GPATCH1: variants seen among roughly 807,000 people sequenced by gnomAD.
The protein encoded by GPATCH1 is G-patch domain containing 1, also known as G patch domain-containing protein 1.
In GPATCH1, 73 loss-of-function variants were observed where a neutral mutation model predicts 114.9. The ratio of observed to expected loss-of-function variants is 0.64; its 90% confidence interval spans 0.53 to 0.77. The LOEUF (loss-of-function observed/expected upper bound fraction) is 0.77, where lower values mean the gene tolerates loss of function less well. GPATCH1 is among the 30% of genes least tolerant of loss of function. GPATCH1 has a pLI of 0.00. For missense variants in GPATCH1, 1,058 were observed against 1,144.3 expected (o/e 0.92, Z 1.09); for synonymous variants, 391 against 428.4 (o/e 0.91, Z 1.08).
intron 17 of GPATCH1, among the ~76,000 whole-genome samples, chr19:33,123,753 A>G (rs1451001956): frequency 1.3e-5 from 2 of 152,080 alleles, no homozygotes; most frequent in Non-Finnish European, 2.9e-5. Context: ...AAAAAAAAAA[A>G]TAAATAAAGA....
intron 10 of GPATCH1, among the ~76,000 whole-genome samples, chr19:33,107,265 A>T (rs1972795525): frequency 6.6e-6 from 1 of 152,030 alleles, no homozygotes; most frequent in Non-Finnish European, 1.5e-5. Flanking sequence ...TTTTAAATAG[A>T]GATGAGGGTC....
intron 5 of GPATCH1, among the ~76,000 whole-genome samples, chr19:33,095,101 A>C (rs769645742): frequency 1.3e-5 from 2 of 152,050 alleles, no homozygotes; most frequent in African/African-American, 2.4e-5. Flanking sequence ...CAGAAGGTTG[A>C]GGCTACAGTG....
intron 19 of GPATCH1, among the ~76,000 whole-genome samples, chr19:33,129,798 G>T (rs554092676): frequency 6.6e-6 from 1 of 152,282 alleles, no homozygotes; most frequent in South Asian, 2.1e-4. Flanking sequence ...ACAAAAATTA[G>T]CTGGGTATGG....
rs368112974 is a variant in GPATCH1, at chr19:33,118,980, G to A, written c.2414-30G>A. The A allele has an allele frequency of 5.2e-5, 70 of 1,351,578 alleles. No homozygotes were observed. The African/African-American group carries it at 9.5e-4, about 18-fold the overall frequency. 83.7% of individuals were successfully genotyped at this position (1,351,578 alleles called of 1,614,324 possible). ...TCAGAGACATTAACATGGGGCAGAC[G>A]AATGACATGAACACCCCGCTGTTTT... is the stretch of plus-strand genomic sequence containing the variant. On this transcript the variant is annotated intron_variant, in intron 16 of 19. Coordinates refer to ENST00000170564, the MANE Select transcript of GPATCH1 (RefSeq NM_018025.3).
intron 1 of GPATCH1, 22 bp from the exon 2 acceptor site, chr19:33,088,112 C>CTTT (rs35343047): frequency 1.8e-4 from 202 of 1,103,992 alleles, no homozygotes; most frequent in South Asian, 5.9e-4. Flanking sequence ...ATTTAAAAAA[C>CTTT]TTTTTTTTTT....
In GPATCH1 at chr19:33,115,740, C is replaced by T. The variant is rs144626753; in HGVS notation, c.2196+1321C>T. 7.6e-3 allele frequency among the ~76,000 whole-genome samples: 1,158 copies of T among 151,806 alleles called. 7 individuals are homozygous for T. The highest frequency in any genetic ancestry group is 0.012 in the Non-Finnish European group (816 of 67,916). ...AACTCTTGACCTTAGGTGATCTGCC[C>T]GCCTCAGCCTCCCCAAAGTGCTGGG... is the stretch of plus-strand genomic sequence containing the variant. On this transcript the variant is annotated intron_variant, in intron 15 of 19. Coordinates refer to ENST00000170564, the MANE Select transcript of GPATCH1 (RefSeq NM_018025.3).
Position 33,123,400 on chromosome 19 carries a change from CA to C in GPATCH1, c.2522-1693del, listed in dbSNP as rs879665171. ...GGGCAACAAGAGTGAAACTCTGTCT[CA>C]AAAAAAAAAAATTAAAAGAATTTTG... On this transcript the variant is annotated intron_variant, in intron 17 of 19. Transcript: ENST00000170564. 4.1e-3 allele frequency among the ~76,000 whole-genome samples: 519 copies of C among 125,818 alleles called. 4 individuals carry two copies. Among genetic ancestry groups the C allele is most frequent in the African/African-American group, 0.013 (459 of 34,188 alleles). The allele number at this position is 125,818 out of a possible 152,430, so 82.5% of individuals were successfully genotyped here. A position where few individuals can be genotyped will look rare whatever the true frequency, so the allele number is the denominator to read the frequency against.
chr19:33,098,196 T>G (rs1294731167), intron 8 of GPATCH1, among the ~76,000 whole-genome samples: 1 of 151,958 alleles, frequency 6.6e-6, no homozygotes, highest in Non-Finnish European at 1.5e-5. Context: ...GAGCTGGCAG[T>G]GGGTCAAAGG....
rs1568353626 is a variant in GPATCH1 at position 33,130,133 on chromosome 19, G to C, written c.2769G>C (p.Leu923=). 1 of 1,611,424 alleles carries C rather than the reference G, an allele frequency of 6.2e-7. No homozygotes were observed. The change falls in exon 20 of 20, where the codon CTG becomes CTC. Residue 923 remains leucine, a synonymous_variant. Coordinates refer to ENST00000170564, the MANE Select transcript of GPATCH1 (RefSeq NM_018025.3). ...TCTTTTCTGTTTTCTTTTCCAGGCT[G>C]AAAAGTCTTCCACTAAGAAGGCAGT... ...DVSPQELLRR[L]KSLPLRRQ is the part of the protein sequence containing the mutation.
intron 17 of GPATCH1, among the ~76,000 whole-genome samples, chr19:33,119,710 A>G (rs921281617): frequency 9.5e-5 from 14 of 147,708 alleles, no homozygotes; most frequent in Non-Finnish European, 1.3e-4. Context: ...AAAAAAAAAA[A>G]AGGGGCTGCA....
At chr19:33,127,073 T>G (rs1973049650) in intron 19 of GPATCH1, among the ~76,000 whole-genome samples, 1 of 151,662 alleles carries the variant, frequency 6.6e-6, no homozygotes. Flanking sequence ...AGTTGGAGGT[T>G]GCAGTGAGCC....
rs189590320 is a variant in GPATCH1, at chr19:33,083,282, A to G, written c.73+2016A>G. 1.8e-4 allele frequency among the ~76,000 whole-genome samples: 27 copies of G among 149,064 alleles called. No individual in the cohort carries two copies. In the East Asian group the frequency reaches 5.1e-3, roughly 28 times the overall value. ...AAAAAAATAGAGATGGGATCCTTCTATGTTGCTCAGGCTGGTCTTGAACTC... is the reference window on the plus strand; with the variant it reads ...AAAAAAATAGAGATGGGATCCTTCTGTGTTGCTCAGGCTGGTCTTGAACTC... On this transcript the variant is annotated intron_variant, in intron 1 of 19. Transcript: ENST00000170564.
At chr19:33,094,067 G>A in intron 4 of GPATCH1, 105 bp from the exon 5 acceptor site, 2 of 696,658 alleles carry the variant, frequency 2.9e-6, no homozygotes, top group Non-Finnish European at 5.2e-6. Flanking sequence ...CAAGGGCCCA[G>A]GCAAGACAGG....
rs1393086916 is a variant in GPATCH1 at position 33,112,944 on chromosome 19, A to G, written c.1892+331A>G. On this transcript the variant is annotated intron_variant, in intron 13 of 19. Coordinates refer to ENST00000170564, the MANE Select transcript of GPATCH1 (RefSeq NM_018025.3). ...ATTTATAATGTTACTTATGTTTTTA[A>G]ATTATCATTATAAAAGTTAAACACT... is the stretch of plus-strand genomic sequence containing the variant. The G allele has an allele frequency of 8.7e-5, 16 of 184,366 alleles. No individual in the cohort carries two copies. In the South Asian group the frequency reaches 1.9e-3, roughly 21 times the overall value. 11.4% of individuals were successfully genotyped at this position (184,366 alleles called of 1,614,324 possible). A position where few individuals can be genotyped will look rare whatever the true frequency, so the allele number is the denominator to read the frequency against.
Position 33,113,762 on chromosome 19 carries a change from C to T in GPATCH1, c.1893-5C>T, listed in dbSNP as rs1972884348. ...TACTAAAATGATTCTTTTTTCAATTCCCAGTTCAACTTTAGTTGGCTTACC... is the reference window on the plus strand; with the variant it reads ...TACTAAAATGATTCTTTTTTCAATTTCCAGTTCAACTTTAGTTGGCTTACC... On this transcript the variant is annotated splice_polypyrimidine_tract_variant and splice_region_variant and intron_variant, in intron 13 of 19. Coordinates refer to ENST00000170564, the MANE Select transcript of GPATCH1 (RefSeq NM_018025.3). The T allele has an allele frequency of 6.2e-7, 1 of 1,607,510 alleles. No individual in the cohort carries two copies. The highest frequency in any genetic ancestry group is 1.3e-5 in the African/African-American group (1 of 74,492).
In GPATCH1 at chr19:33,111,405, A is replaced by G. The variant is rs959589951; in HGVS notation, c.1586-319A>G. 4.5e-4 allele frequency among the ~76,000 whole-genome samples: 65 copies of G among 144,122 alleles called. 1 individual carries two copies. The highest frequency in any genetic ancestry group is 6.5e-4 in the African/African-American group (25 of 38,214). The allele number at this position is 144,122 out of a possible 152,430, so 94.5% of individuals were successfully genotyped here. A position where few individuals can be genotyped will look rare whatever the true frequency, so the allele number is the denominator to read the frequency against. On this transcript the variant is annotated intron_variant, in intron 11 of 19. Transcript: ENST00000170564. ...TCTCAGAAAAAAAAAAAAAAAAAAA[A>G]AGAGAGATGGGGTTTCACCATGTTT...
At chr19:33,086,472 T>G (rs2145299780) in intron 1 of GPATCH1, among the ~76,000 whole-genome samples, 1 of 152,180 alleles carries the variant, frequency 6.6e-6, no homozygotes, top group Non-Finnish European at 1.5e-5. Context: ...GACAAATTTT[T>G]TTTCTTTTTT....
chr19:33,090,766 T>G lies in GPATCH1; in HGVS notation c.209-14T>G. The G allele has an allele frequency of 6.4e-7, 1 of 1,562,728 alleles. No homozygotes were observed. Among genetic ancestry groups the G allele is most frequent in the Non-Finnish European group, 8.8e-7 (1 of 1,133,696 alleles). On this transcript the variant is annotated splice_polypyrimidine_tract_variant and intron_variant, in intron 2 of 19. Transcript: ENST00000170564. Reference sequence around the variant, plus strand: ...TCTCTAGGATTGTAAAGTTCTAAACTCTTTTTTTTTCAGGATGGACACCCT... The same window carrying G: ...TCTCTAGGATTGTAAAGTTCTAAACGCTTTTTTTTTCAGGATGGACACCCT...
intron 8 of GPATCH1, 147 bp downstream of exon 8, chr19:33,098,049 G>A (rs1212386941): frequency 1.2e-6 from 1 of 831,190 alleles, no homozygotes; most frequent in Non-Finnish European, 1.9e-6. Flanking sequence ...GCCCAGCATG[G>A]GAAGTGAAAC....
Sources: gnomAD v4.1 joint callset for allele counts (sites outside exome capture counted in the v4.1 genomes callset) on GRCh38, gnomAD v4.1.1 for gene constraint, MANE v1.5 for transcripts, NCBI Gene and HGNC (gene_info 2026-07-23, HGNC 2026-07-21) for gene names.